The following SGCD variants were observed in gnomAD, a reference collection of about 807,000 sequenced individuals.
The protein encoded by SGCD is delta-sarcoglycan.
Under a neutral mutation model 36.6 loss-of-function variants are expected in SGCD, and 18 were observed. The ratio of observed to expected loss-of-function variants is 0.49; its 90% confidence interval spans 0.34 to 0.73. The LOEUF (loss-of-function observed/expected upper bound fraction) is 0.73, where lower values mean the gene tolerates loss of function less well. SGCD is among the 30% of genes least tolerant of loss of function. SGCD has a pLI of 0.01. For synonymous variants in SGCD, 133 were observed against 130.6 expected (o/e 1.02, Z -0.12); for missense variants, 387 against 346.7 (o/e 1.12, Z -0.92).
At chr5:156,062,294 G>A (rs1313926725) in intron 1 of SGCD, among the ~76,000 whole-genome samples, 3 of 34,202 alleles carry the variant, frequency 8.8e-5, no homozygotes, top group Non-Finnish European at 1.4e-4. Flanking sequence ...AGTATTCCAT[G>A]GTGTATATGT....
At position 156,504,392 on chromosome 5, in the gene SGCD, G is replaced by A. The variant is rs201940602; in HGVS notation, c.193-4209G>A. On this transcript the variant is annotated intron_variant, in intron 3 of 8. Coordinates refer to ENST00000337851, the MANE Select transcript of SGCD (RefSeq NM_000337.6). Reference sequence around the variant, plus strand: ...CATGAGTATATGTGGGTGTGTGTGTGTATATATATATATATATATATATAT... The same window carrying A: ...CATGAGTATATGTGGGTGTGTGTGTATATATATATATATATATATATATAT... 1.9e-3 allele frequency among the ~76,000 whole-genome samples: 142 copies of A among 75,062 alleles called. 1 individual carries two copies. Among genetic ancestry groups the A allele is most frequent in the African/African-American group, 4.5e-3 (117 of 25,922 alleles). The allele number at this position is 75,062 out of a possible 152,430, so 49.2% of individuals were successfully genotyped here. A position where few individuals can be genotyped will look rare whatever the true frequency, so the allele number is the denominator to read the frequency against.
At chr5:156,669,123 G>A (rs954244836) in intron 7 of SGCD, among the ~76,000 whole-genome samples, 1 of 152,114 alleles carries the variant, frequency 6.6e-6, no homozygotes, top group African/African-American at 2.4e-5. Context: ...CAATACGGCC[G>A]AAAGTTCAAA....
At chr5:156,395,289 C>T (rs1273179515) in intron 3 of SGCD, among the ~76,000 whole-genome samples, 6 of 152,114 alleles carry the variant, frequency 3.9e-5, no homozygotes, top group East Asian at 1.9e-4. Context: ...AGGACTAGGG[C>T]ATCCTATGTG....
In SGCD at chr5:156,718,874, C is replaced by T. The variant is rs555318850; in HGVS notation, c.576-38707C>T. On this transcript the variant is annotated intron_variant, in intron 7 of 8. Coordinates refer to ENST00000337851, the MANE Select transcript of SGCD (RefSeq NM_000337.6). ...TGGTACATGCCTGTAGTCCCAGCTA[C>T]GTATTATATTATATATATATAAAGA... Among the ~76,000 whole-genome samples the T allele has an allele frequency of 6.1e-4, 91 of 149,790 alleles. 1 individual carries two copies. The highest frequency in any genetic ancestry group is 2.2e-3 in the African/African-American group (89 of 40,620).
chr5:156,420,441 G>A (rs868665467), intron 3 of SGCD, among the ~76,000 whole-genome samples: 6 of 152,044 alleles, frequency 3.9e-5, no homozygotes, highest in Admixed American at 6.6e-5. Flanking sequence ...TAGGAGCTTC[G>A]GGAATATTGG....
At chr5:156,562,485 G>C (rs1581171914) in intron 4 of SGCD, among the ~76,000 whole-genome samples, 1 of 152,186 alleles carries the variant, frequency 6.6e-6, no homozygotes, top group African/African-American at 2.4e-5. Flanking sequence ...GAATGACCCA[G>C]GGGACTGCAG....
chr5:156,062,103 C>T (rs1222859662), intron 1 of SGCD, among the ~76,000 whole-genome samples: 1 of 85,766 alleles, frequency 1.2e-5, no homozygotes, highest in Non-Finnish European at 2.1e-5. Flanking sequence ...CCACCACAGT[C>T]CCCAGAGTGT....
chr5:156,197,377 ACT>A (rs1460284479), intron 3 of SGCD, among the ~76,000 whole-genome samples: 1 of 151,470 alleles, frequency 6.6e-6, no homozygotes, highest in Non-Finnish European at 1.5e-5. Context: ...AATTCATAGG[ACT>A]CTCTTGGTTA....
intron 3 of SGCD, among the ~76,000 whole-genome samples, chr5:156,351,618 A>G (rs1769262137): frequency 1.3e-5 from 2 of 151,556 alleles, no homozygotes; most frequent in South Asian, 4.2e-4. Flanking sequence ...CATCATCATC[A>G]TCATCATCAT....
intron 3 of SGCD, among the ~76,000 whole-genome samples, chr5:156,367,298 A>G (rs1354683909): frequency 3.9e-5 from 6 of 152,204 alleles, no homozygotes; most frequent in South Asian, 2.1e-4. Flanking sequence ...CTGCAAAATG[A>G]TGTGTATTAT....
intron 3 of SGCD, among the ~76,000 whole-genome samples, chr5:156,397,995 C>T (rs1771953726): frequency 6.6e-6 from 1 of 152,150 alleles, no homozygotes. Flanking sequence ...GCATCCAAAC[C>T]TTTTTAACCC....
chr5:156,703,188 T>C (rs1416782640), intron 7 of SGCD, among the ~76,000 whole-genome samples: 1 of 152,194 alleles, frequency 6.6e-6, no homozygotes, highest in Non-Finnish European at 1.5e-5. Context: ...CATGAAACTG[T>C]GTCAGGCTAC....
At chr5:156,272,699 G>C (rs1330828594) in intron 3 of SGCD, among the ~76,000 whole-genome samples, 1 of 152,134 alleles carries the variant, frequency 6.6e-6, no homozygotes, top group African/African-American at 2.4e-5. Context: ...TGTAAGTGGG[G>C]TGCCTGTTTG....
chr5:155,821,120 A>C, the SGCD span, among the ~76,000 whole-genome samples: 4 of 152,106 alleles, frequency 2.6e-5, no homozygotes, highest in Non-Finnish European at 5.9e-5. Context: ...CAATAGAACA[A>C]CTCTAATTAC....
intron 3 of SGCD, among the ~76,000 whole-genome samples, chr5:156,496,880 G>A (rs1474581663): frequency 1.3e-5 from 2 of 152,106 alleles, no homozygotes; most frequent in Non-Finnish European, 2.9e-5. Flanking sequence ...TGTAGCTTGG[G>A]TGAAAAATAA....
intron 3 of SGCD, among the ~76,000 whole-genome samples, chr5:156,448,691 T>C (rs1321343602): frequency 3.3e-5 from 5 of 150,992 alleles, no homozygotes; most frequent in Non-Finnish European, 7.4e-5. Flanking sequence ...ACATTATCCA[T>C]GGGTTGCTTA....
intron 5 of SGCD, among the ~76,000 whole-genome samples, chr5:156,593,117 T>C (rs756978574): frequency 1.3e-5 from 2 of 152,178 alleles, no homozygotes; most frequent in Admixed American, 6.5e-5. Flanking sequence ...TAGGCAGTGA[T>C]AGTCCAATGT....
upstream of SGCD, among the ~76,000 whole-genome samples, chr5:156,322,346 T>A (rs2127697064): frequency 6.6e-6 from 1 of 152,258 alleles, no homozygotes; most frequent in South Asian, 2.1e-4. Context: ...ATTTTTTTTT[T>A]AAACCTGCAT....
chr5:156,720,355 G>A (rs551643006), intron 7 of SGCD, among the ~76,000 whole-genome samples: 1 of 152,180 alleles, frequency 6.6e-6, no homozygotes, highest in Non-Finnish European at 1.5e-5. Context: ...GGTCAGGAAC[G>A]ACCTTTCTAA....
Sources: allele counts gnomAD v4.1 joint callset (sites outside exome capture counted in the v4.1 genomes callset), GRCh38; gene constraint gnomAD v4.1.1; transcripts MANE v1.5; gene names NCBI Gene and HGNC (gene_info 2026-07-23, HGNC 2026-07-21).